The following GCNT1 variants were observed in gnomAD, a reference collection of about 807,000 sequenced individuals.
The protein encoded by GCNT1 is beta-1,3-galactosyl-O-glycosyl-glycoprotein beta-1,6-N-acetylglucosaminyltransferase.
GCNT1 carries 16 observed loss-of-function variants against 26.2 expected under a neutral mutation model. That is an observed-to-expected ratio of 0.61 (90% CI 0.41 to 0.93). The LOEUF is 0.93. Ranked by LOEUF, GCNT1 falls within the 40% of genes least tolerant of loss-of-function variation. The pLI, the probability that GCNT1 is intolerant of heterozygous loss-of-function variation, is 0.00. For synonymous variants in GCNT1, 183 were observed against 190.8 expected, an observed-to-expected ratio of 0.96 and a Z score of 0.34; for missense variants, 477 against 526.7, an observed-to-expected ratio of 0.91 and a Z score of 0.92.
intron 1 of GCNT1, among the ~76,000 whole-genome samples, chr9:76,433,081 G>C (rs1486379064): frequency 6.6e-6 from 1 of 152,044 alleles, no homozygotes; most frequent in African/African-American, 2.4e-5. Context: ...TTCATTAGCT[G>C]TTTCATCACT....
chr9:76,480,059 A>G (rs1035434713), intron 2 of GCNT1, among the ~76,000 whole-genome samples: 7 of 152,210 alleles, frequency 4.6e-5, no homozygotes, highest in African/African-American at 1.7e-4. Context: ...ATCCAGTTTC[A>G]GCTTTCTACA....
Position 76,434,016 on chromosome 9 carries a change from A to G in GCNT1, n.38+14129A>G, listed in dbSNP as rs539198180. Among the ~76,000 whole-genome samples, 3 of 152,340 alleles carry G rather than the reference A, an allele frequency of 2.0e-5. No homozygotes were observed. The South Asian group carries it at 6.2e-4, about 32-fold the overall frequency. Reference sequence around the variant, plus strand: ...CCTTATTCTTCGGTTCACTTAATCTATAACCTAAGAAGTAGAAGTTACAAC... The same window carrying G: ...CCTTATTCTTCGGTTCACTTAATCTGTAACCTAAGAAGTAGAAGTTACAAC... On this transcript the variant is annotated intron_variant and non_coding_transcript_variant, in intron 1 of 3. Transcript: ENST00000488136.
intron 1 of GCNT1, among the ~76,000 whole-genome samples, chr9:76,422,453 T>A (rs1823208045): frequency 6.6e-6 from 1 of 152,232 alleles, no homozygotes. Flanking sequence ...TTTATAATTT[T>A]TTGGCTTTAT....
rs1295151714 is a variant in GCNT1, at chr9:76,504,443, C to T, written c.*775C>T. On this transcript the variant is annotated 3_prime_UTR_variant, in exon 4 of 4. Coordinates refer to ENST00000376730, the MANE Select transcript of GCNT1 (RefSeq NM_001490.5). ...AATTTTTCTAGAGATTTGCCTCTAT[C>T]TTCCTTTCCTCAGTCTTCCCAGACT... 3.9e-5 allele frequency: 10 copies of T among 254,460 alleles called. No individual in the cohort carries two copies. Among genetic ancestry groups the T allele is most frequent in the African/African-American group, 1.1e-4 (5 of 44,926 alleles). The allele number at this position is 254,460 out of a possible 1,614,324, so 15.8% of individuals were successfully genotyped here. A position where few individuals can be genotyped will look rare whatever the true frequency, so the allele number is the denominator to read the frequency against.
intron 2 of GCNT1, among the ~76,000 whole-genome samples, chr9:76,490,748 A>T (rs1202806803): frequency 9.1e-6 from 1 of 109,422 alleles, no homozygotes; most frequent in East Asian, 3.0e-4. Flanking sequence ...ACCAATTATT[A>T]GGCAAGTTTC....
At chr9:76,424,444 G>A (rs1442434345) in intron 1 of GCNT1, among the ~76,000 whole-genome samples, 1 of 152,164 alleles carries the variant, frequency 6.6e-6, no homozygotes, top group Non-Finnish European at 1.5e-5. Context: ...CACAGAGTAG[G>A]TAATGAATGA....
At chr9:76,475,691 G>A (rs537769309) in intron 2 of GCNT1, among the ~76,000 whole-genome samples, 63 of 152,296 alleles carry the variant, frequency 4.1e-4, no homozygotes, top group African/African-American at 1.4e-3. Context: ...GCTGAAGTGA[G>A]AGACGACGAT....
At position 76,502,655 on chromosome 9, in the gene GCNT1, G is replaced by A. The variant is rs368814183; in HGVS notation, c.274G>A (p.Asp92Asn). The change falls in exon 4 of 4, where the codon GAC becomes AAC. Residue 92 changes from aspartate to asparagine, a missense_variant. By Grantham distance (23) the Asp-to-Asn change is conservative. Coordinates refer to ENST00000376730, the MANE Select transcript of GCNT1 (RefSeq NM_001490.5). Reference protein sequence around the residue: ...FKKRPRWTPDDYINMTSDCSS... With the variant: ...FKKRPRWTPDNYINMTSDCSS... ...AAAGCGCCCTCGGTGGACACCTGAC[G>A]ACTATATAAACATGACCAGTGACTG... 4.7e-5 allele frequency: 76 copies of A among 1,613,946 alleles called. No individual in the cohort carries two copies. The highest frequency in any genetic ancestry group is 3.8e-4 in the East Asian group (17 of 44,898).
At chr9:76,439,223 C>CTTTTTTTT (rs71499153), upstream of GCNT1, among the ~76,000 whole-genome samples, 285 of 120,062 alleles carry the variant, frequency 2.4e-3, no homozygotes, top group Middle Eastern at 4.9e-3. Flanking sequence ...TTTTCTTTTT[C>CTTTTTTTT]TTTTTTTTTT....
At chr9:76,421,370 C>G (rs537735831) in intron 1 of GCNT1, among the ~76,000 whole-genome samples, 1 of 151,896 alleles carries the variant, frequency 6.6e-6, no homozygotes, top group African/African-American at 2.4e-5. Flanking sequence ...GAGGCCAAGT[C>G]GGGCAGATCA....
chr9:76,466,304 TTTG>T (rs756203431), intron 2 of GCNT1, among the ~76,000 whole-genome samples: 18 of 146,664 alleles, frequency 1.2e-4, no homozygotes, highest in Non-Finnish European at 2.4e-4. Context: ...CTACTGGGAT[TTTG>T]TTTGTTTTGT....
chr9:76,394,361 A>C, the GCNT1 span: 1 of 513,038 alleles, frequency 1.9e-6, no homozygotes. Context: ...CCGACCCAAC[A>C]AATACCGCCG....
chr9:76,437,208 A>G (rs1021911204), upstream of GCNT1, among the ~76,000 whole-genome samples: 1 of 152,120 alleles, frequency 6.6e-6, no homozygotes, highest in African/African-American at 2.4e-5. Context: ...CTTGAATAGG[A>G]GCTGGGTAAA....
chr9:76,419,980 C>A (rs1823168462), intron 1 of GCNT1: 1 of 152,228 alleles, frequency 6.6e-6, no homozygotes, highest in African/African-American at 2.4e-5. Flanking sequence ...AAGAGTGCAC[C>A]CTCTACTGGA....
intron 2 of GCNT1, among the ~76,000 whole-genome samples, chr9:76,482,701 G>C (rs1263905396): frequency 6.6e-6 from 1 of 151,978 alleles, no homozygotes; most frequent in Admixed American, 6.6e-5. Flanking sequence ...CTGGAGTGCA[G>C]TGGTGTGATC....
At position 76,445,424 on chromosome 9, in the gene GCNT1, T is replaced by G. The variant is rs539430218; in HGVS notation, c.-290+3109T>G. On this transcript the variant is annotated intron_variant, in intron 1 of 2. Transcript: ENST00000442371. ...TTTATTTTTTTGACAGTCTCACTCT[T>G]TCACCCAGGCTGGAGTGCAGTGGCT... Among the ~76,000 whole-genome samples, 3 of 152,130 alleles carry G rather than the reference T, an allele frequency of 2.0e-5. No individual in the cohort carries two copies. In the South Asian group the frequency reaches 6.2e-4, roughly 32 times the overall value.
chr9:76,488,379 A>G (rs1824638625), intron 2 of GCNT1, among the ~76,000 whole-genome samples: 1 of 151,806 alleles, frequency 6.6e-6, no homozygotes, highest in Non-Finnish European at 1.5e-5. Flanking sequence ...CTCCTGATCT[A>G]GTTCTCTAAA....
intron 2 of GCNT1, among the ~76,000 whole-genome samples, chr9:76,492,579 C>T (rs982331522): frequency 2.0e-5 from 3 of 150,350 alleles, no homozygotes; most frequent in East Asian, 1.9e-4. Flanking sequence ...GTGCTTGCCC[C>T]GGGCACCCTC....
At chr9:76,488,812 A>G (rs905622659) in intron 2 of GCNT1, among the ~76,000 whole-genome samples, 2 of 151,992 alleles carry the variant, frequency 1.3e-5, no homozygotes, top group Admixed American at 6.6e-5. Flanking sequence ...CGAGTTTTTC[A>G]TTTTTGCTAT....
Sources: allele counts gnomAD v4.1 joint callset (sites outside exome capture counted in the v4.1 genomes callset), GRCh38; gene constraint gnomAD v4.1.1; transcripts MANE v1.5; gene names NCBI Gene and HGNC (gene_info 2026-07-23, HGNC 2026-07-21).